The following STXBP6 variants were observed in gnomAD, a reference collection of about 807,000 sequenced individuals.
STXBP6 encodes the protein syntaxin-binding protein 6.
Under a neutral mutation model 26.9 loss-of-function variants are expected in STXBP6, and 21 were observed. The observed-to-expected ratio is 0.78, with a 90% CI of 0.55 to 1.12. The LOEUF (loss-of-function observed/expected upper bound fraction) is 1.12. STXBP6 is among the 50% of genes most tolerant of loss of function. The pLI, the probability that STXBP6 is intolerant of heterozygous loss-of-function variation, is 0.00. For missense variants in STXBP6, 232 were observed against 257.9 expected, an observed-to-expected ratio of 0.90 and a Z score of 0.69; for synonymous variants, 97 against 92.6, an observed-to-expected ratio of 1.05 and a Z score of -0.27.
intron 2 of STXBP6, among the ~76,000 whole-genome samples, chr14:24,937,511 C>T (rs958075285): frequency 6.6e-6 from 1 of 152,154 alleles, no homozygotes; most frequent in Non-Finnish European, 1.5e-5. Context: ...CAGTTATGCC[C>T]AATCTGCACA....
chr14:24,832,256 G>A (rs2068475662), intron 4 of STXBP6, among the ~76,000 whole-genome samples: 1 of 151,798 alleles, frequency 6.6e-6, no homozygotes, highest in Non-Finnish European at 1.5e-5. Flanking sequence ...TTTAGACATT[G>A]TCATCAAGGG....
intron 2 of STXBP6, among the ~76,000 whole-genome samples, chr14:24,933,811 C>CT (rs2072506003): frequency 6.6e-6 from 1 of 151,950 alleles, no homozygotes; most frequent in East Asian, 1.9e-4. Flanking sequence ...ATTGGGCATG[C>CT]TTTTTTAACG....
chr14:24,937,658 A>G (rs898094662), intron 2 of STXBP6, among the ~76,000 whole-genome samples: 5 of 152,256 alleles, frequency 3.3e-5, no homozygotes, highest in Admixed American at 1.3e-4. Flanking sequence ...ACAGTAATTT[A>G]TATTATCACT....
At chr14:24,813,747 C>T (rs548340468) in intron 5 of STXBP6, among the ~76,000 whole-genome samples, 1 of 152,318 alleles carries the variant, frequency 6.6e-6, no homozygotes, top group South Asian at 2.1e-4. Context: ...CTGATTTCAC[C>T]CAGTGGTGCT....
chr14:24,855,831 C>G, intron 4 of STXBP6, 105 bp downstream of exon 4: 1 of 1,087,078 alleles, frequency 9.2e-7, no homozygotes, highest in Non-Finnish European at 1.3e-6. Context: ...CATATTGATT[C>G]TTCTCCTGTT....
chr14:24,864,044 C>T (rs751539605), intron 2 of STXBP6, among the ~76,000 whole-genome samples: 1 of 152,060 alleles, frequency 6.6e-6, no homozygotes, highest in Non-Finnish European at 1.5e-5. Flanking sequence ...TGGTATTAGA[C>T]AAGGAAGATA....
intron 1 of STXBP6, among the ~76,000 whole-genome samples, chr14:25,024,076 G>C (rs537560375): frequency 6.6e-6 from 1 of 152,108 alleles, no homozygotes; most frequent in East Asian, 1.9e-4. Flanking sequence ...TTGGGAGGCC[G>C]AGGTGGGCAG....
intron 1 of STXBP6, among the ~76,000 whole-genome samples, chr14:25,036,385 C>T (rs1313147995): frequency 2.6e-5 from 4 of 152,098 alleles, no homozygotes; most frequent in Admixed American, 2.6e-4. Context: ...ATATGTCTTT[C>T]TTCCGGACCC....
At chr14:24,868,958 G>A (rs968203302) in intron 2 of STXBP6, among the ~76,000 whole-genome samples, 3 of 152,152 alleles carry the variant, frequency 2.0e-5, no homozygotes, top group Non-Finnish European at 2.9e-5. Flanking sequence ...GCATATGTCA[G>A]GAAAATAAAG....
chr14:25,046,598 T>A (rs2075731264), intron 1 of STXBP6, among the ~76,000 whole-genome samples: 1 of 152,198 alleles, frequency 6.6e-6, no homozygotes, highest in African/African-American at 2.4e-5. Context: ...TTATACCTAA[T>A]TGATTTGGGC....
At chr14:24,958,085 T>G (rs1268204109) in intron 2 of STXBP6, among the ~76,000 whole-genome samples, 1 of 152,130 alleles carries the variant, frequency 6.6e-6, no homozygotes, top group Non-Finnish European at 1.5e-5. Context: ...TATGGAAAAA[T>G]GATGCTCTAC....
At chr14:24,870,987 C>T (rs909802776) in intron 2 of STXBP6, among the ~76,000 whole-genome samples, 2 of 151,988 alleles carry the variant, frequency 1.3e-5, no homozygotes, top group Non-Finnish European at 2.9e-5. Flanking sequence ...TTATCTGCCA[C>T]GGTGCTTTAT....
intron 1 of STXBP6, among the ~76,000 whole-genome samples, chr14:25,021,103 AC>A (rs915200826): frequency 6.6e-6 from 1 of 151,454 alleles, no homozygotes; most frequent in Admixed American, 6.6e-5. Context: ...CACCACCACC[AC>A]CCCCATTCCC....
At chr14:24,988,685 G>T (rs2074393039) in intron 1 of STXBP6, among the ~76,000 whole-genome samples, 1 of 152,186 alleles carries the variant, frequency 6.6e-6, no homozygotes, top group African/African-American at 2.4e-5. Flanking sequence ...TGTGCAATGG[G>T]TGTGCCCTGA....
intron 2 of STXBP6, among the ~76,000 whole-genome samples, chr14:24,909,502 G>A (rs966600311): frequency 2.6e-5 from 4 of 152,092 alleles, no homozygotes; most frequent in Non-Finnish European, 5.9e-5. Flanking sequence ...CTGTTAAGGT[G>A]GGGCATGGTG....
At chr14:24,958,561 C>A (rs749872863) in intron 2 of STXBP6, among the ~76,000 whole-genome samples, 5 of 152,152 alleles carry the variant, frequency 3.3e-5, no homozygotes, top group African/African-American at 9.7e-5. Flanking sequence ...TGGCATATCA[C>A]AGCCTTAAAG....
In STXBP6 at chr14:24,880,587, G is replaced by A. The variant is rs538174942; in HGVS notation, c.155-23430C>T. The stretch of plus-strand genomic sequence containing the variant: ...CATGATGCATTGCTCCCTACCATCT[G>A]GTGCTGAGTATTTGGGCTCTGTATT... On this transcript the variant is annotated intron_variant, in intron 2 of 5. Transcript: ENST00000323944. Among the ~76,000 whole-genome samples the A allele has an allele frequency of 2.6e-5, 4 of 152,286 alleles. No homozygotes were observed. The South Asian group carries it at 8.3e-4, about 32-fold the overall frequency.
chr14:25,015,847 A>T (rs2075136695), intron 1 of STXBP6, among the ~76,000 whole-genome samples: 1 of 152,014 alleles, frequency 6.6e-6, no homozygotes, highest in Non-Finnish European at 1.5e-5. Flanking sequence ...TGCTTTACAC[A>T]TATTCTGGGA....
At chr14:25,018,154 T>C (rs1410355039) in intron 1 of STXBP6, among the ~76,000 whole-genome samples, 4 of 152,172 alleles carry the variant, frequency 2.6e-5, no homozygotes. Flanking sequence ...CTTCCCATTC[T>C]TCCTCCAGTG....
Sources: gnomAD v4.1 joint callset for allele counts (sites outside exome capture counted in the v4.1 genomes callset) on GRCh38, gnomAD v4.1.1 for gene constraint, MANE v1.5 for transcripts, NCBI Gene and HGNC (gene_info 2026-07-23, HGNC 2026-07-21) for gene names.